The following MCTP1 variants were observed in gnomAD, a reference collection of about 807,000 sequenced individuals.
The protein encoded by MCTP1 is multiple C2 and transmembrane domain containing 1.
Under a neutral mutation model 120.6 loss-of-function variants are expected in MCTP1, and 69 were observed. The observed-to-expected ratio is 0.57, with a 90% confidence interval of 0.47 to 0.70. The LOEUF (loss-of-function observed/expected upper bound fraction) is 0.70, where lower values mean the gene tolerates loss of function less well. MCTP1 is among the 30% of genes least tolerant of loss of function. The pLI is 0.00. For missense variants in MCTP1, 1,203 were observed against 1,248.8 expected (o/e 0.96, Z 0.55); for synonymous variants, 529 against 493.1 (o/e 1.07, Z -0.96).
intron 6 of MCTP1, chr5:94,929,577 TA>T: frequency 1.3e-6 from 1 of 790,586 alleles, no homozygotes; most frequent in Non-Finnish European, 1.5e-6. Flanking sequence ...TGCATTTTCA[TA>T]AAACAGTAAC....
At chr5:95,274,775 C>A (rs1243388860) in intron 1 of MCTP1, among the ~76,000 whole-genome samples, 1 of 152,158 alleles carries the variant, frequency 6.6e-6, no homozygotes, top group Non-Finnish European at 1.5e-5. Context: ...AGGCGCCCAC[C>A]ACCATGCCCG....
intron 1 of MCTP1, among the ~76,000 whole-genome samples, chr5:95,246,174 G>T (rs1756758382): frequency 6.6e-6 from 1 of 152,026 alleles, no homozygotes. Flanking sequence ...GCTCCTGAAG[G>T]AAACACTAAA....
intron 1 of MCTP1, among the ~76,000 whole-genome samples, chr5:95,073,248 C>T (rs1752709348): frequency 6.6e-6 from 1 of 152,198 alleles, no homozygotes. Flanking sequence ...CACATTGTGG[C>T]ACTTGCCAAA....
chr5:95,123,167 A>AC (rs1466259291), intron 1 of MCTP1, among the ~76,000 whole-genome samples: 1 of 152,130 alleles, frequency 6.6e-6, no homozygotes. Flanking sequence ...GGTGATGAAT[A>AC]CCCCATTTAC....
At chr5:95,241,209 A>C (rs1036469309) in intron 1 of MCTP1, among the ~76,000 whole-genome samples, 11 of 152,160 alleles carry the variant, frequency 7.2e-5, no homozygotes, top group African/African-American at 2.7e-4. Flanking sequence ...ATTATCCTTC[A>C]TATTCAGTAA....
At chr5:94,976,880 A>T (rs1467051958) in intron 2 of MCTP1, 19 of 152,166 alleles carry the variant, frequency 1.2e-4, no homozygotes, top group Non-Finnish European at 5.9e-5. Flanking sequence ...ATCATACTCA[A>T]TGGTGAGAAA....
chr5:95,103,579 T>C lies in MCTP1; in HGVS notation c.721-86095A>G, dbSNP rs1040944774. Among the ~76,000 whole-genome samples the C allele has an allele frequency of 2.0e-5, 3 of 152,328 alleles. No individual in the cohort carries two copies. In the East Asian group the frequency reaches 5.8e-4, roughly 29 times the overall value. Reference sequence around the variant, plus strand: ...GCCATTGCTACCTCTCATTTGGAATTAATGTATGTAGCAATTTTCTTGGAA... The same window carrying C: ...GCCATTGCTACCTCTCATTTGGAATCAATGTATGTAGCAATTTTCTTGGAA... On this transcript the variant is annotated intron_variant, in intron 1 of 22. Coordinates refer to ENST00000515393, the MANE Select transcript of MCTP1 (RefSeq NM_024717.7).
chr5:95,048,194 C>T (rs1582022908), intron 1 of MCTP1, among the ~76,000 whole-genome samples: 2 of 152,086 alleles, frequency 1.3e-5, no homozygotes, highest in East Asian at 3.9e-4. Context: ...TTACTGATGT[C>T]TTTTTAATCT....
At chr5:94,874,732 A>G (rs1444766822) in intron 12 of MCTP1, among the ~76,000 whole-genome samples, 1 of 152,170 alleles carries the variant, frequency 6.6e-6, no homozygotes, top group Non-Finnish European at 1.5e-5. Context: ...ATAGTGTTCA[A>G]AAAAGAATAT....
At chr5:94,909,045 A>G (rs1352111553) in intron 10 of MCTP1, among the ~76,000 whole-genome samples, 1 of 152,110 alleles carries the variant, frequency 6.6e-6, no homozygotes, top group African/African-American at 2.4e-5. Flanking sequence ...TCAAATTCAG[A>G]TAGCCTGTGT....
At chr5:94,842,554 G>T (rs1318838610) in intron 17 of MCTP1, among the ~76,000 whole-genome samples, 1 of 151,894 alleles carries the variant, frequency 6.6e-6, no homozygotes, top group Admixed American at 6.6e-5. Flanking sequence ...AATATGTTTG[G>T]GGAAAAAATC....
intron 1 of MCTP1, among the ~76,000 whole-genome samples, chr5:95,121,145 G>C (rs980342781): frequency 6.6e-6 from 1 of 151,846 alleles, no homozygotes; most frequent in Admixed American, 6.6e-5. Flanking sequence ...TGGTGCGGTG[G>C]CGGGTGCCTG....
intron 1 of MCTP1, among the ~76,000 whole-genome samples, chr5:95,157,759 G>A (rs974733858): frequency 3.3e-5 from 5 of 152,164 alleles, no homozygotes; most frequent in South Asian, 4.1e-4. Context: ...ATGGAGCAGG[G>A]ATCAGCAAAC....
At chr5:95,197,776 C>T (rs911203964) in intron 1 of MCTP1, among the ~76,000 whole-genome samples, 2 of 151,940 alleles carry the variant, frequency 1.3e-5, no homozygotes, top group African/African-American at 4.8e-5. Flanking sequence ...TAGAGTTGTC[C>T]CTTGGTATCC....
intron 1 of MCTP1, among the ~76,000 whole-genome samples, chr5:95,033,884 AGATCAATGT>A (rs1840751087): frequency 6.6e-6 from 1 of 152,250 alleles, no homozygotes; most frequent in East Asian, 1.9e-4. Flanking sequence ...TCAGGATAGA[AGATCAATGT>A]ACACAAGTCA....
At chr5:95,172,029 T>C (rs1747370740) in intron 1 of MCTP1, among the ~76,000 whole-genome samples, 1 of 152,180 alleles carries the variant, frequency 6.6e-6, no homozygotes, top group Non-Finnish European at 1.5e-5. Context: ...TTTTTCCCCA[T>C]CTTTGTAGTT....
At chr5:95,027,449 C>G (rs1274668275) in intron 1 of MCTP1, among the ~76,000 whole-genome samples, 1 of 152,134 alleles carries the variant, frequency 6.6e-6, no homozygotes, top group African/African-American at 2.4e-5. Flanking sequence ...AAAAAGTTAA[C>G]AGTAGCTGCT....
At chr5:94,920,209 T>C (rs1811188210) in intron 7 of MCTP1, among the ~76,000 whole-genome samples, 1 of 151,214 alleles carries the variant, frequency 6.6e-6, no homozygotes, top group Non-Finnish European at 1.5e-5. Flanking sequence ...TGAAATAATC[T>C]ACAAATTTCT....
chr5:94,734,124 A>G (rs1473668695), intron 19 of MCTP1, among the ~76,000 whole-genome samples: 1 of 152,162 alleles, frequency 6.6e-6, no homozygotes, highest in Non-Finnish European at 1.5e-5. Context: ...TCCAATGCGC[A>G]CTAAATGTAC....
Sources: gnomAD v4.1 joint callset for allele counts (sites outside exome capture counted in the v4.1 genomes callset) on GRCh38, gnomAD v4.1.1 for gene constraint, MANE v1.5 for transcripts, NCBI Gene and HGNC (gene_info 2026-07-23, HGNC 2026-07-21) for gene names.